MPPED1: variants seen among roughly 807,000 people sequenced by gnomAD.
MPPED1 encodes the protein metallophosphoesterase domain-containing protein 1.
Under a neutral mutation model 36.2 loss-of-function variants are expected in MPPED1, and 16 were observed. The observed-to-expected ratio is 0.44, with a 90% CI of 0.30 to 0.67. The LOEUF is 0.67. Ranked by LOEUF, MPPED1 falls within the 30% of genes least tolerant of loss-of-function variation. The probability of loss-of-function intolerance (pLI) is 0.10; values close to 1 mark genes in which losing one functional copy is unlikely to be tolerated. For synonymous variants in MPPED1, 199 were observed against 191.3 expected (o/e 1.04, Z -0.33); for missense variants, 307 against 453.4 (o/e 0.68, Z 2.93).
chr22:43,481,686 C>T (rs1047765191), intron 4 of MPPED1, among the ~76,000 whole-genome samples: 4 of 152,148 alleles, frequency 2.6e-5, no homozygotes, highest in Admixed American at 6.5e-5. Flanking sequence ...CTTCCTCTTC[C>T]GTGCTGCTCT....
chr22:43,466,694 C>A (rs1052622356), intron 3 of MPPED1, among the ~76,000 whole-genome samples: 1 of 152,156 alleles, frequency 6.6e-6, no homozygotes, highest in Admixed American at 6.5e-5. Context: ...CCACTATCCA[C>A]CTGCCCTGAT....
At chr22:43,450,930 T>A (rs1276832341) in intron 3 of MPPED1, among the ~76,000 whole-genome samples, 1 of 151,980 alleles carries the variant, frequency 6.6e-6, no homozygotes, top group Non-Finnish European at 1.5e-5. Context: ...TTCTCCATGT[T>A]GGTCAGGCTG....
chr22:43,465,309 A>C (rs572693768), intron 3 of MPPED1, among the ~76,000 whole-genome samples: 115 of 152,338 alleles, frequency 7.5e-4, no homozygotes, highest in African/African-American at 2.6e-3. Flanking sequence ...TGATGGGCTC[A>C]TCTCATCCTA....
At chr22:43,501,695 G>A (rs967135711) in intron 5 of MPPED1, among the ~76,000 whole-genome samples, 3 of 152,198 alleles carry the variant, frequency 2.0e-5, no homozygotes, top group African/African-American at 7.2e-5. Flanking sequence ...GAGGCACAGA[G>A]AGGTTAAGTG....
chr22:43,456,325 T>C (rs1396825590), intron 3 of MPPED1, among the ~76,000 whole-genome samples: 2 of 152,174 alleles, frequency 1.3e-5, no homozygotes, highest in Non-Finnish European at 2.9e-5. Context: ...CAGGGTCTCA[T>C]TATATTGCCT....
chr22:43,489,975 A>G (rs564099367), intron 4 of MPPED1, among the ~76,000 whole-genome samples: 1 of 152,304 alleles, frequency 6.6e-6, no homozygotes, highest in Admixed American at 6.5e-5. Context: ...AGGCAGTGGG[A>G]CACAGAGGAG....
chr22:43,497,516 A>G (rs1347987417), intron 4 of MPPED1, among the ~76,000 whole-genome samples: 1 of 152,082 alleles, frequency 6.6e-6, no homozygotes, highest in Non-Finnish European at 1.5e-5. Context: ...TTCTTCTTGA[A>G]AAGAGACTGC....
At chr22:43,449,422 A>ACCCCCCCC (rs135045) in intron 3 of MPPED1, among the ~76,000 whole-genome samples, 474 of 127,358 alleles carry the variant, frequency 3.7e-3, no homozygotes, top group Non-Finnish European at 4.8e-3. Context: ...GACAGTGCCA[A>ACCCCCCCC]CCCCCCCCGC....
intron 4 of MPPED1, among the ~76,000 whole-genome samples, chr22:43,479,109 C>T (rs557948905): frequency 6.6e-6 from 1 of 152,306 alleles, no homozygotes; most frequent in East Asian, 1.9e-4. Context: ...TGTTGAGGTT[C>T]TGGCTGGGGC....
intron 3 of MPPED1, 100 bp downstream of exon 3, chr22:43,435,315 C>G: frequency 4.5e-6 from 6 of 1,341,726 alleles, no homozygotes; most frequent in Non-Finnish European, 6.1e-6. Context: ...CTGCGCTGCC[C>G]GGGCCCCCTC....
At chr22:43,459,807 A>G (rs920109340) in intron 3 of MPPED1, among the ~76,000 whole-genome samples, 1 of 152,078 alleles carries the variant, frequency 6.6e-6, no homozygotes, top group Non-Finnish European at 1.5e-5. Flanking sequence ...TTATTTAGTT[A>G]TATCCACCAT....
intron 2 of MPPED1, among the ~76,000 whole-genome samples, chr22:43,431,021 A>ATTTTTTTTTTTT (rs135076): frequency 4.7e-5 from 2 of 42,304 alleles, no homozygotes; most frequent in African/African-American, 1.3e-4. Context: ...GTTGTTGTTA[A>ATTTTTTTTTTTT]TTTTTTTTTT....
intron 3 of MPPED1, among the ~76,000 whole-genome samples, chr22:43,451,922 C>T (rs532218769): frequency 4.6e-5 from 7 of 152,180 alleles, no homozygotes; most frequent in Admixed American, 2.6e-4. Flanking sequence ...CTGCTCCTGC[C>T]GGAGTGCCAA....
chr22:43,496,004 ATGG>A (rs1932321044), intron 4 of MPPED1, among the ~76,000 whole-genome samples: 2 of 17,372 alleles, frequency 1.2e-4, no homozygotes, highest in African/African-American at 2.2e-4. Flanking sequence ...GGTGGTGGAG[ATGG>A]TGGTGGTGGA....
chr22:43,500,062 T>A (rs1351613854), intron 5 of MPPED1, among the ~76,000 whole-genome samples: 9 of 104,524 alleles, frequency 8.6e-5, no homozygotes, highest in Non-Finnish European at 3.8e-5. Context: ...GTGGTGGTGG[T>A]GATGGTGATG....
chr22:43,470,140 A>G (rs546323404), intron 3 of MPPED1, among the ~76,000 whole-genome samples: 2 of 151,718 alleles, frequency 1.3e-5, no homozygotes, highest in East Asian at 3.9e-4. Context: ...CCATTCATCC[A>G]TCTATATATA....
intron 3 of MPPED1, among the ~76,000 whole-genome samples, chr22:43,463,807 T>TTTTCTTTCTTTCTTTTTTTTTTTTCTTTC (rs1491212045): frequency 8.9e-5 from 10 of 112,890 alleles, no homozygotes; most frequent in Non-Finnish European, 1.7e-4. Flanking sequence ...TCATTTTTTC[T>TTTTCTTTCTTTCTTTTTTTTTTTTCTTTC]TTTCTTTCTT....
chr22:43,484,236 C>T (rs1358097923), intron 4 of MPPED1, among the ~76,000 whole-genome samples: 1 of 152,240 alleles, frequency 6.6e-6, no homozygotes, highest in Admixed American at 6.5e-5. Flanking sequence ...CGGCCGACTG[C>T]CCCGTGTATT....
intron 1 of MPPED1, among the ~76,000 whole-genome samples, chr22:43,421,479 G>T (rs1299739826): frequency 6.6e-6 from 1 of 152,362 alleles, no homozygotes; most frequent in Non-Finnish European, 1.5e-5. Context: ...GCTAGCGCCT[G>T]CTCCTCTGGG....
Sources: allele counts gnomAD v4.1 joint callset (sites outside exome capture counted in the v4.1 genomes callset), GRCh38; gene constraint gnomAD v4.1.1; transcripts MANE v1.5; gene names NCBI Gene and HGNC (gene_info 2026-07-23, HGNC 2026-07-21).